PACRG: variants seen among roughly 807,000 people sequenced by gnomAD.
PACRG encodes the protein parkin coregulated gene protein.
Under a neutral mutation model 29.7 loss-of-function variants are expected in PACRG, and 29 were observed. The observed-to-expected ratio is 0.98, with a 90% CI of 0.73 to 1.33. The LOEUF (loss-of-function observed/expected upper bound fraction) is 1.33. PACRG is among the 40% of genes most tolerant of loss of function. The pLI, the probability that PACRG is intolerant of heterozygous loss-of-function variation, is 0.00. For missense variants in PACRG, 279 were observed against 316.2 expected (o/e 0.88, Z 0.89); for synonymous variants, 116 against 118.7 (o/e 0.98, Z 0.15).
At chr6:163,224,294 G>C (rs774265778) in intron 4 of PACRG, among the ~76,000 whole-genome samples, 5 of 143,972 alleles carry the variant, frequency 3.5e-5, no homozygotes, top group Non-Finnish European at 7.5e-5. Context: ...ACTTGAACCT[G>C]GGATATGGAG....
Position 162,900,743 on chromosome 6 carries a change from G to T in PACRG, c.291+86462G>T, listed in dbSNP as rs189858991. Among the ~76,000 whole-genome samples, 11 of 152,234 alleles carry T rather than the reference G, an allele frequency of 7.2e-5. No homozygotes were observed. In the East Asian group the frequency reaches 2.1e-3, roughly 29 times the overall value. On this transcript the variant is annotated intron_variant, in intron 2 of 4. Coordinates refer to ENST00000366888, the MANE Select transcript of PACRG (RefSeq NM_001080379.2). ...CTGCTGCCTCCGGGACTTGCTGTTT[G>T]CTTTTCTTTCTGCCCCAGCGCCTTT...
chr6:163,213,454 T>C (rs1054933921), intron 4 of PACRG, among the ~76,000 whole-genome samples: 6 of 152,244 alleles, frequency 3.9e-5, no homozygotes, highest in African/African-American at 1.4e-4. Flanking sequence ...GAGTTGGGGA[T>C]AAAGTGGTAG....
intron 4 of PACRG, among the ~76,000 whole-genome samples, chr6:163,237,000 G>A (rs1782266984): frequency 6.6e-6 from 1 of 152,112 alleles, no homozygotes. Context: ...CAAGGGGAAA[G>A]TTCCGCCCCC....
chr6:162,859,734 CCT>C (rs1165917667), intron 2 of PACRG, among the ~76,000 whole-genome samples: 2 of 152,116 alleles, frequency 1.3e-5, no homozygotes, highest in African/African-American at 2.4e-5. Context: ...TGCAGAGTCC[CCT>C]CAGTTTAGTA....
intron 2 of PACRG, among the ~76,000 whole-genome samples, chr6:162,996,797 G>A (rs1804105104): frequency 6.6e-6 from 1 of 152,060 alleles, no homozygotes; most frequent in African/African-American, 2.4e-5. Context: ...TTCTTCTCTT[G>A]TTTTTCAAAT....
chr6:162,913,595 C>T (rs540896225), intron 2 of PACRG, among the ~76,000 whole-genome samples: 27 of 152,228 alleles, frequency 1.8e-4, no homozygotes, highest in African/African-American at 5.8e-4. Flanking sequence ...GGCTGAGTTG[C>T]GTGGAAAGTG....
chr6:162,791,311 G>GTTTTTT (rs60664405), intron 1 of PACRG, among the ~76,000 whole-genome samples: 23 of 128,788 alleles, frequency 1.8e-4, no homozygotes, highest in South Asian at 1.0e-3. Context: ...TTGTTTGTTT[G>GTTTTTT]TTTTTTTTTT....
intron 4 of PACRG, among the ~76,000 whole-genome samples, chr6:163,250,324 T>C (rs775608557): frequency 6.6e-6 from 1 of 152,256 alleles, no homozygotes; most frequent in Non-Finnish European, 1.5e-5. Flanking sequence ...TGCCTGGTCA[T>C]GAGACAGACT....
intron 3 of PACRG, among the ~76,000 whole-genome samples, chr6:163,075,923 G>C (rs901586021): frequency 6.6e-6 from 1 of 152,182 alleles, no homozygotes; most frequent in African/African-American, 2.4e-5. Flanking sequence ...ATTGCTTAGG[G>C]ACCCAGCCTG....
intron 4 of PACRG, among the ~76,000 whole-genome samples, chr6:163,217,925 A>G (rs1170391639): frequency 6.6e-6 from 1 of 152,078 alleles, no homozygotes; most frequent in Non-Finnish European, 1.5e-5. Flanking sequence ...ATATATTACA[A>G]TGTAATGATT....
chr6:163,106,972 T>C (rs1815416850), intron 4 of PACRG, among the ~76,000 whole-genome samples: 1 of 152,216 alleles, frequency 6.6e-6, no homozygotes, highest in African/African-American at 2.4e-5. Flanking sequence ...TTCACTTTTT[T>C]AAGTTTGGGG....
At chr6:163,137,575 G>A (rs1000417962) in intron 4 of PACRG, among the ~76,000 whole-genome samples, 1 of 152,056 alleles carries the variant, frequency 6.6e-6, no homozygotes, top group Non-Finnish European at 1.5e-5. Context: ...AACCTCCCCT[G>A]GCTCTCGAGA....
At chr6:163,130,767 C>T (rs1265572190) in intron 4 of PACRG, among the ~76,000 whole-genome samples, 6 of 152,138 alleles carry the variant, frequency 3.9e-5, no homozygotes, top group Non-Finnish European at 8.8e-5. Context: ...CACCTTTGCA[C>T]TTAGCGGGTC....
intron 4 of PACRG, among the ~76,000 whole-genome samples, chr6:163,156,021 A>C (rs79559119): frequency 0.018 from 2,733 of 152,336 alleles, 77 homozygotes; most frequent in African/African-American, 0.062. Context: ...GCCCCGAGAC[A>C]GGCCGAGGGG....
At chr6:162,844,279 G>T (rs9458655) in intron 2 of PACRG, among the ~76,000 whole-genome samples, 4 of 150,380 alleles carry the variant, frequency 2.7e-5, no homozygotes, top group East Asian at 2.0e-4. Context: ...CTCCGAGCCA[G>T]GTGCGGGATA....
At chr6:163,210,455 G>T (rs1781088748) in intron 4 of PACRG, among the ~76,000 whole-genome samples, 1 of 152,160 alleles carries the variant, frequency 6.6e-6, no homozygotes, top group Non-Finnish European at 1.5e-5. Flanking sequence ...ATAAAGCAGA[G>T]ACCACCAGAG....
chr6:163,230,732 T>C (rs1585352890), intron 4 of PACRG, among the ~76,000 whole-genome samples: 1 of 133,352 alleles, frequency 7.5e-6, no homozygotes, highest in Admixed American at 7.3e-5. Context: ...AATAAACAAA[T>C]GAAGAACGCA....
rs558142098 is a variant in PACRG at position 163,174,015 on chromosome 6, G to A, written c.613+84607G>A. On this transcript the variant is annotated intron_variant, in intron 4 of 4. Coordinates refer to ENST00000366888, the MANE Select transcript of PACRG (RefSeq NM_001080379.2). ...GTCGTCCTTTGACTACTCTGTGCAAGAAAATGCATGCCTCAGAAATGTGTA... is the reference window on the plus strand; with the variant it reads ...GTCGTCCTTTGACTACTCTGTGCAAAAAAATGCATGCCTCAGAAATGTGTA... Among the ~76,000 whole-genome samples, 7 of 152,328 alleles carry A rather than the reference G, an allele frequency of 4.6e-5. No individual in the cohort carries two copies. The South Asian group carries it at 1.4e-3, about 32-fold the overall frequency.
rs370876599 is a variant in PACRG at position 163,027,166 on chromosome 6, A to G, written c.292-34984A>G. On this transcript the variant is annotated intron_variant, in intron 2 of 4. Transcript: ENST00000366888. ...TTATAGGATGAGAAATTTACTTTTGATCTGGGCTGGAAATAGAGTGTGACT... is the reference window on the plus strand; with the variant it reads ...TTATAGGATGAGAAATTTACTTTTGGTCTGGGCTGGAAATAGAGTGTGACT... Among the ~76,000 whole-genome samples, 22 of 152,264 alleles carry G rather than the reference A, an allele frequency of 1.4e-4. No individual in the cohort carries two copies. The South Asian group carries it at 4.6e-3, about 32-fold the overall frequency.
Sources: gnomAD v4.1 joint callset for allele counts (sites outside exome capture counted in the v4.1 genomes callset) on GRCh38, gnomAD v4.1.1 for gene constraint, MANE v1.5 for transcripts, NCBI Gene and HGNC (gene_info 2026-07-23, HGNC 2026-07-21) for gene names.